The following SNTG1 variants were observed in gnomAD, a reference collection of about 807,000 sequenced individuals.
The protein encoded by SNTG1 is syntrophin gamma 1, also known as gamma-1-syntrophin.
SNTG1 carries 39 observed loss-of-function variants against 74.7 expected under a neutral mutation model. That is an observed-to-expected ratio of 0.52 (90% CI 0.40 to 0.68). SNTG1 has a LOEUF of 0.68. Ranked by LOEUF, SNTG1 falls within the 30% of genes least tolerant of loss-of-function variation. The probability of loss-of-function intolerance (pLI) is 0.00; values close to 1 mark genes in which losing one functional copy is unlikely to be tolerated. For synonymous variants in SNTG1, 254 were observed against 217.1 expected, an observed-to-expected ratio of 1.17 and a Z score of -1.49; for missense variants, 685 against 609.5, an observed-to-expected ratio of 1.12 and a Z score of -1.30.
chr8:50,420,992 T>C (rs2093075171), intron 4 of SNTG1, among the ~76,000 whole-genome samples: 1 of 119,362 alleles, frequency 8.4e-6, no homozygotes, highest in Admixed American at 1.2e-4. Context: ...ACCACTGCAC[T>C]CCAGCCTGGC....
intron 1 of SNTG1, among the ~76,000 whole-genome samples, chr8:49,965,442 A>G (rs769873196): frequency 1.1e-4 from 17 of 152,212 alleles, no homozygotes; most frequent in Non-Finnish European, 1.2e-4. Flanking sequence ...TCTCAAGGAC[A>G]TTTCACTTTG....
At chr8:50,452,714 G>A (rs571151451) in intron 8 of SNTG1, among the ~76,000 whole-genome samples, 3 of 152,182 alleles carry the variant, frequency 2.0e-5, no homozygotes, top group African/African-American at 4.8e-5. Context: ...ATTTTTTTCT[G>A]AGAAGCTTAA....
rs557590485 is a variant in SNTG1, at chr8:50,387,996, A to G, written c.-27-6216A>G. On this transcript the variant is annotated intron_variant, in intron 2 of 18. Coordinates refer to ENST00000642720, the MANE Select transcript of SNTG1 (RefSeq NM_018967.5). Reference sequence around the variant, plus strand: ...AATATTCAGGGTCCTGTTTTTCCCAATCAACGTCTGTGTTTAACAGAAGAA... The same window carrying G: ...AATATTCAGGGTCCTGTTTTTCCCAGTCAACGTCTGTGTTTAACAGAAGAA... Among the ~76,000 whole-genome samples the G allele has an allele frequency of 7.2e-5, 11 of 152,252 alleles. No homozygotes were observed. In the East Asian group the frequency reaches 1.7e-3, roughly 24 times the overall value.
chr8:50,038,118 C>T (rs559893737), intron 1 of SNTG1, among the ~76,000 whole-genome samples: 1 of 152,264 alleles, frequency 6.6e-6, no homozygotes, highest in African/African-American at 2.4e-5. Context: ...TCATTTTGTC[C>T]TGTTCTGGTC....
At chr8:50,290,705 T>C (rs1283181745) in intron 2 of SNTG1, among the ~76,000 whole-genome samples, 2 of 152,198 alleles carry the variant, frequency 1.3e-5, no homozygotes, top group Non-Finnish European at 2.9e-5. Flanking sequence ...ATCATATTAA[T>C]AATAACTGTA....
chr8:50,785,739 A>C (rs1379170798), intron 18 of SNTG1, among the ~76,000 whole-genome samples: 7 of 149,886 alleles, frequency 4.7e-5, no homozygotes, highest in African/African-American at 1.5e-4. Flanking sequence ...CAGTATCCCT[A>C]ATGGGGGTAG....
chr8:50,022,003 CAT>C (rs1816868774), intron 1 of SNTG1, among the ~76,000 whole-genome samples: 1 of 150,934 alleles, frequency 6.6e-6, no homozygotes, highest in Non-Finnish European at 1.5e-5. Context: ...AGGAAAAATG[CAT>C]AGTTATTTCT....
At chr8:50,283,812 G>A (rs1161741780) in intron 2 of SNTG1, among the ~76,000 whole-genome samples, 2 of 152,030 alleles carry the variant, frequency 1.3e-5, no homozygotes, top group East Asian at 3.9e-4. Flanking sequence ...ACATTATTTT[G>A]TTTTTAATCA....
At chr8:50,541,118 G>A (rs573339360) in intron 11 of SNTG1, among the ~76,000 whole-genome samples, 2 of 151,506 alleles carry the variant, frequency 1.3e-5, no homozygotes, top group African/African-American at 2.4e-5. Flanking sequence ...GAATATTCAC[G>A]TGCACTTGTG....
intron 17 of SNTG1, among the ~76,000 whole-genome samples, chr8:50,745,446 T>C (rs2095553035): frequency 6.6e-6 from 1 of 151,974 alleles, no homozygotes; most frequent in South Asian, 2.1e-4. Flanking sequence ...AACCCTTTCT[T>C]TCACATTGCT....
intron 1 of SNTG1, among the ~76,000 whole-genome samples, chr8:50,143,256 A>AATT (rs1159590818): frequency 1.3e-5 from 2 of 152,202 alleles, no homozygotes; most frequent in East Asian, 3.9e-4. Flanking sequence ...TCACAATAAT[A>AATT]TCACTTTCTG....
At chr8:50,424,289 C>A (rs943307314) in intron 4 of SNTG1, among the ~76,000 whole-genome samples, 1 of 152,068 alleles carries the variant, frequency 6.6e-6, no homozygotes, top group African/African-American at 2.4e-5. Flanking sequence ...ATGGAAGATT[C>A]TTTTCAGACA....
At chr8:50,296,889 A>C (rs2130623101) in intron 2 of SNTG1, among the ~76,000 whole-genome samples, 1 of 152,282 alleles carries the variant, frequency 6.6e-6, no homozygotes, top group African/African-American at 2.4e-5. Context: ...CTGCTTATTA[A>C]GTAGTAAGCG....
intron 2 of SNTG1, among the ~76,000 whole-genome samples, chr8:50,175,270 T>A (rs1194783197): frequency 6.6e-6 from 1 of 152,166 alleles, no homozygotes; most frequent in African/African-American, 2.4e-5. Flanking sequence ...TAGTTCTAGA[T>A]CCCTGAGGAA....
chr8:50,251,780 C>T (rs2086658012), intron 2 of SNTG1, among the ~76,000 whole-genome samples: 1 of 152,022 alleles, frequency 6.6e-6, no homozygotes, highest in African/African-American at 2.4e-5. Flanking sequence ...TTCAGCTTCA[C>T]ATTTTCAGCA....
chr8:50,183,244 T>C (rs1443458206), intron 2 of SNTG1, among the ~76,000 whole-genome samples: 2 of 152,234 alleles, frequency 1.3e-5, no homozygotes, highest in East Asian at 3.8e-4. Flanking sequence ...AGTGTTTCTC[T>C]GCGCTATTTC....
chr8:50,453,835 T>TCA (rs749599816), intron 8 of SNTG1, among the ~76,000 whole-genome samples: 17 of 151,372 alleles, frequency 1.1e-4, no homozygotes, highest in Admixed American at 6.6e-4. Flanking sequence ...CCCTGGGGGG[T>TCA]CACACACAGA....
intron 17 of SNTG1, among the ~76,000 whole-genome samples, chr8:50,740,344 A>T (rs2095540058): frequency 7.0e-6 from 1 of 143,706 alleles, no homozygotes; most frequent in South Asian, 2.3e-4. Context: ...GAAGACATAC[A>T]TGTGGCCAAA....
chr8:50,499,334 G>C (rs369664776), intron 8 of SNTG1, among the ~76,000 whole-genome samples: 1 of 150,908 alleles, frequency 6.6e-6, no homozygotes, highest in East Asian at 1.9e-4. Flanking sequence ...TAGAAATTCT[G>C]ATTGTTTATA....
Sources: gnomAD v4.1 joint callset for allele counts (sites outside exome capture counted in the v4.1 genomes callset) on GRCh38, gnomAD v4.1.1 for gene constraint, MANE v1.5 for transcripts, NCBI Gene and HGNC (gene_info 2026-07-23, HGNC 2026-07-21) for gene names.